Variants in UBTD2 observed in about 807,000 individuals in gnomAD.
UBTD2 encodes the protein ubiquitin domain-containing protein 2.
A neutral mutation model predicts 19.8 loss-of-function variants in UBTD2; 9 were observed. The ratio of observed to expected loss-of-function variants is 0.46; its 90% CI spans 0.27 to 0.79. The LOEUF (loss-of-function observed/expected upper bound fraction) is 0.79, where lower values mean the gene tolerates loss of function less well. UBTD2 is among the 30% of genes least tolerant of loss of function. The pLI is 0.14. For missense variants in UBTD2, 250 were observed against 300.4 expected (o/e 0.83, Z 1.24); for synonymous variants, 98 against 103.9 (o/e 0.94, Z 0.35).
chr5:172,268,170 G>GT (rs879604138), intron 1 of UBTD2, among the ~76,000 whole-genome samples: 78 of 147,612 alleles, frequency 5.3e-4, no homozygotes, highest in South Asian at 8.7e-4. Flanking sequence ...CATGATAGAA[G>GT]TTTTTTTTTT....
chr5:172,255,985 A>G (rs1755139667), intron 1 of UBTD2, among the ~76,000 whole-genome samples: 1 of 152,096 alleles, frequency 6.6e-6, no homozygotes, highest in Non-Finnish European at 1.5e-5. Flanking sequence ...GCTACTTGGG[A>G]GGCTGAGGCA....
chr5:172,244,457 C>T (rs755765447), intron 1 of UBTD2, among the ~76,000 whole-genome samples: 61 of 151,882 alleles, frequency 4.0e-4, no homozygotes, highest in Non-Finnish European at 6.2e-4. Context: ...CCACCACGCC[C>T]GGCTAATTTT....
chr5:172,264,569 A>C (rs1449927476), intron 1 of UBTD2, among the ~76,000 whole-genome samples: 2 of 134,922 alleles, frequency 1.5e-5, no homozygotes, highest in Non-Finnish European at 1.6e-5. Flanking sequence ...ATTAAAAAAA[A>C]AAAAAAACAA....
chr5:172,227,488 C>T (rs1040815025), intron 2 of UBTD2, among the ~76,000 whole-genome samples: 2 of 151,844 alleles, frequency 1.3e-5, no homozygotes, highest in African/African-American at 2.4e-5. Context: ...ATCTTCATGC[C>T]TTCATTCCTA....
intron 1 of UBTD2, among the ~76,000 whole-genome samples, chr5:172,281,839 G>A (rs1467883998): frequency 6.6e-6 from 1 of 152,170 alleles, no homozygotes; most frequent in Non-Finnish European, 1.5e-5. Context: ...GACGTTTGGT[G>A]GTTAATGTTC....
intron 2 of UBTD2, among the ~76,000 whole-genome samples, chr5:172,222,164 T>C (rs922494766): frequency 6.6e-6 from 1 of 152,240 alleles, no homozygotes; most frequent in Admixed American, 6.5e-5. Context: ...TTGTAGTCCA[T>C]AACTGACTAT....
chr5:172,225,292 T>C (rs1771743472), intron 2 of UBTD2, among the ~76,000 whole-genome samples: 1 of 152,244 alleles, frequency 6.6e-6, no homozygotes. Context: ...TTATCTTTTA[T>C]CTAGATGATT....
chr5:172,269,473 A>T (rs559856129), intron 1 of UBTD2, among the ~76,000 whole-genome samples: 2 of 151,458 alleles, frequency 1.3e-5, no homozygotes, highest in East Asian at 1.9e-4. Flanking sequence ...TCTGGGCAAC[A>T]GAGTGAGGCC....
chr5:172,284,085 A>G (rs1755795002), upstream of UBTD2: 1 of 149,898 alleles, frequency 6.7e-6, no homozygotes, highest in African/African-American at 2.4e-5. Flanking sequence ...CTCCGCACCC[A>G]CGGCCTGGGC....
chr5:172,212,019 GTCT>G lies in UBTD2; in HGVS notation c.513_515del (p.Asp172del). ...ACCGTCTCTTCATGTGGAATACTGT[GTCT>G]GTGCTGCGAACCACAAGCTTGAGGT... On this transcript the variant is annotated inframe_deletion, in exon 3 of 3. Coordinates refer to ENST00000393792, the MANE Select transcript of UBTD2 (RefSeq NM_152277.3). The G allele has an allele frequency of 6.2e-7, 1 of 1,614,226 alleles. No homozygotes were observed. Among genetic ancestry groups the G allele is most frequent in the Non-Finnish European group, 8.5e-7 (1 of 1,180,038 alleles).
chr5:172,249,545 A>T lies in UBTD2; in HGVS notation c.71-15187T>A, dbSNP rs554869985. ...GACAAAGACACCGCAAGAAAACTAC[A>T]GAGCAATATCCCTTAAGATATACGC... On this transcript the variant is annotated intron_variant, in intron 1 of 2. Coordinates refer to ENST00000393792, the MANE Select transcript of UBTD2 (RefSeq NM_152277.3). 2.0e-5 allele frequency among the ~76,000 whole-genome samples: 3 copies of T among 152,322 alleles called. No individual in the cohort carries two copies. The East Asian group carries it at 5.8e-4, about 29-fold the overall frequency.
At chr5:172,273,072 G>A (rs970398148) in intron 1 of UBTD2, among the ~76,000 whole-genome samples, 1 of 136,812 alleles carries the variant, frequency 7.3e-6, no homozygotes, top group Non-Finnish European at 1.5e-5. Context: ...GCAAGCCTCC[G>A]TCTCTCCGTC....
chr5:172,267,850 C>T (rs896362992), intron 1 of UBTD2, among the ~76,000 whole-genome samples: 3 of 152,092 alleles, frequency 2.0e-5, no homozygotes, highest in South Asian at 2.1e-4. Flanking sequence ...TACTTAAAAA[C>T]GAAAGCTGGG....
At chr5:172,230,985 G>A (rs7736765) in intron 2 of UBTD2, among the ~76,000 whole-genome samples, 3,551 of 152,078 alleles carry the variant, frequency 0.023, 117 homozygotes, top group African/African-American at 0.081. Context: ...GGGTTTCACC[G>A]TGTTAGCCGG....
At chr5:172,223,361 T>C (rs1159461018) in intron 2 of UBTD2, among the ~76,000 whole-genome samples, 1 of 151,594 alleles carries the variant, frequency 6.6e-6, no homozygotes, top group African/African-American at 2.4e-5. Flanking sequence ...TCCCAGCACT[T>C]TGGGAGGCTG....
chr5:172,225,193 C>A (rs1581211977), intron 2 of UBTD2, among the ~76,000 whole-genome samples: 1 of 152,114 alleles, frequency 6.6e-6, no homozygotes, highest in South Asian at 2.1e-4. Context: ...GGCCAGGAAG[C>A]CCTGAAAGCT....
chr5:172,245,824 G>A (rs1377816519), intron 1 of UBTD2, among the ~76,000 whole-genome samples: 1 of 152,188 alleles, frequency 6.6e-6, no homozygotes, highest in Non-Finnish European at 1.5e-5. Flanking sequence ...AAAGTGAACT[G>A]ACATCAGAAC....
chr5:172,267,569 T>C (rs1755402007), intron 1 of UBTD2, among the ~76,000 whole-genome samples: 1 of 152,062 alleles, frequency 6.6e-6, no homozygotes, highest in South Asian at 2.1e-4. Context: ...TCGGAGAAAA[T>C]ATAACTTAAG....
At chr5:172,276,684 T>C (rs371567997) in intron 1 of UBTD2, among the ~76,000 whole-genome samples, 2 of 151,856 alleles carry the variant, frequency 1.3e-5, no homozygotes, top group African/African-American at 2.4e-5. Context: ...AGGTTCATTA[T>C]TGGGGTGCAG....
Sources: allele counts gnomAD v4.1 joint callset (sites outside exome capture counted in the v4.1 genomes callset), GRCh38; gene constraint gnomAD v4.1.1; transcripts MANE v1.5; gene names NCBI Gene and HGNC (gene_info 2026-07-23, HGNC 2026-07-21).